ASIP: variants seen among roughly 807,000 people sequenced by gnomAD.
ASIP encodes the protein agouti-signaling protein.
ASIP carries 11 observed loss-of-function variants against 10.3 expected under a neutral mutation model. That is an observed-to-expected ratio of 1.07 (90% CI 0.68 to 1.78). The LOEUF is 1.78. ASIP is among the 40% of genes most tolerant of loss of function. ASIP has a pLI of 0.00. For missense variants in ASIP, 180 were observed against 169.2 expected, an observed-to-expected ratio of 1.06 and a Z score of -0.35; for synonymous variants, 70 against 70.8, an observed-to-expected ratio of 0.99 and a Z score of 0.06.
chr20:34,188,607 A>C, the ASIP span, among the ~76,000 whole-genome samples: 1 of 152,196 alleles, frequency 6.6e-6, no homozygotes, highest in Admixed American at 6.5e-5. Flanking sequence ...ACATTGTATT[A>C]TTAATTTTTT....
At chr20:34,194,030 C>G (rs1191984456), upstream of ASIP, among the ~76,000 whole-genome samples, 1 of 152,166 alleles carries the variant, frequency 6.6e-6, no homozygotes, top group Non-Finnish European at 1.5e-5. Flanking sequence ...CAGATATCCC[C>G]AAGCTGCAGC....
intron 1 of ASIP, among the ~76,000 whole-genome samples, chr20:34,253,517 G>A (rs1485620799): frequency 4.0e-5 from 6 of 151,338 alleles, no homozygotes; most frequent in African/African-American, 1.5e-4. Flanking sequence ...CCGTTGCCCA[G>A]GCCGGAGTGC....
chr20:34,211,247 C>A (rs1012126233), intron 1 of ASIP, among the ~76,000 whole-genome samples: 1 of 152,198 alleles, frequency 6.6e-6, no homozygotes, highest in Non-Finnish European at 1.5e-5. Context: ...GTTGCCCAGG[C>A]TGATCTCAAA....
chr20:34,207,598 G>C (rs2034945734), intron 1 of ASIP, among the ~76,000 whole-genome samples: 1 of 151,988 alleles, frequency 6.6e-6, no homozygotes, highest in South Asian at 2.1e-4. Flanking sequence ...AGAAATCTTT[G>C]CCAGGACCAA....
intron 1 of ASIP, among the ~76,000 whole-genome samples, chr20:34,257,058 CTCTTTCTT>C (rs201781561): frequency 1.6e-5 from 2 of 124,030 alleles, no homozygotes; most frequent in Non-Finnish European, 1.6e-5. Flanking sequence ...CTTTCTCTCT[CTCTTTCTT>C]TCTCTTTTTT....
At chr20:34,220,953 C>CTTTTTTT (rs10661983) in intron 1 of ASIP, among the ~76,000 whole-genome samples, 34 of 109,754 alleles carry the variant, frequency 3.1e-4, no homozygotes, top group African/African-American at 9.8e-4. Context: ...TTCTTTCCTT[C>CTTTTTTT]TTTTTTTTTT....
chr20:34,219,698 G>T (rs972712357), intron 1 of ASIP, among the ~76,000 whole-genome samples: 2 of 152,240 alleles, frequency 1.3e-5, no homozygotes, highest in African/African-American at 2.4e-5. Context: ...AAGGTTGCTT[G>T]TGGGTGGTGA....
chr20:34,192,236 A>G (rs935619524), upstream of ASIP, among the ~76,000 whole-genome samples: 6 of 151,324 alleles, frequency 4.0e-5, 1 homozygote, highest in South Asian at 1.3e-3. Context: ...GAGTTTCTCC[A>G]TGTTGGCTGG....
chr20:34,247,888 T>C (rs2035406652), intron 1 of ASIP, among the ~76,000 whole-genome samples: 1 of 152,020 alleles, frequency 6.6e-6, no homozygotes, highest in Non-Finnish European at 1.5e-5. Flanking sequence ...TGAGCCATGG[T>C]GCCCTGTCTT....
intron 1 of ASIP, chr20:34,213,839 A>C (rs2034990162): frequency 1.3e-6 from 2 of 1,534,680 alleles, no homozygotes; most frequent in African/African-American, 2.7e-5. Flanking sequence ...ACTTCGGAAC[A>C]GCCACACTGT....
chr20:34,215,584 A>G, intron 1 of ASIP: 2 of 1,492,624 alleles, frequency 1.3e-6, no homozygotes, highest in Non-Finnish European at 1.9e-6. Flanking sequence ...GGGCGGCTTT[A>G]TTTGGTATAA....
At chr20:34,196,601 G>A (rs1258220345) in intron 1 of ASIP, among the ~76,000 whole-genome samples, 1 of 152,200 alleles carries the variant, frequency 6.6e-6, no homozygotes, top group Non-Finnish European at 1.5e-5. Flanking sequence ...CAAAGAGACT[G>A]TGAGTTGAGA....
upstream of ASIP, among the ~76,000 whole-genome samples, chr20:34,241,328 C>T (rs117357828): frequency 2.6e-5 from 4 of 152,310 alleles, no homozygotes; most frequent in Non-Finnish European, 5.9e-5. Context: ...CTGAAAGAAC[C>T]TTCCTGCCTG....
upstream of ASIP, among the ~76,000 whole-genome samples, chr20:34,191,434 A>G (rs2122524782): frequency 6.6e-6 from 1 of 152,240 alleles, no homozygotes; most frequent in Admixed American, 6.5e-5. Context: ...GCACACTGTC[A>G]TCCCCATTGA....
intron 1 of ASIP, among the ~76,000 whole-genome samples, chr20:34,208,572 C>T (rs1568746806): frequency 6.6e-6 from 1 of 152,106 alleles, no homozygotes. Flanking sequence ...TCGGTTGACT[C>T]AAACTCCTGG....
intron 1 of ASIP, chr20:34,213,985 T>C: frequency 1.9e-6 from 3 of 1,577,976 alleles, no homozygotes; most frequent in Non-Finnish European, 2.6e-6. Context: ...AATTTTAAAC[T>C]TCTCCATTAG....
chr20:34,192,776 T>C (rs1435280235), upstream of ASIP, among the ~76,000 whole-genome samples: 1 of 152,168 alleles, frequency 6.6e-6, no homozygotes, highest in Non-Finnish European at 1.5e-5. Flanking sequence ...AGATTGGAAG[T>C]AAGCAGCAAA....
chr20:34,240,128 A>G (rs746825804), upstream of ASIP, among the ~76,000 whole-genome samples: 2 of 152,214 alleles, frequency 1.3e-5, no homozygotes, highest in Non-Finnish European at 2.9e-5. Context: ...CATTGGCACT[A>G]AAGAATCATT....
chr20:34,268,937 G>A (rs2122688446), intron 3 of ASIP, 54 bp from the exon 4 acceptor site: 1 of 1,554,068 alleles, frequency 6.4e-7, no homozygotes, highest in Non-Finnish European at 8.7e-7. Flanking sequence ...GCAGAGGTGA[G>A]GACCGGAGGG....
Sources: gnomAD v4.1 joint callset for allele counts (sites outside exome capture counted in the v4.1 genomes callset) on GRCh38, gnomAD v4.1.1 for gene constraint, MANE v1.5 for transcripts, NCBI Gene and HGNC (gene_info 2026-07-23, HGNC 2026-07-21) for gene names.